The following KANSL1 variants were observed in gnomAD, a reference collection of about 807,000 sequenced individuals.
KANSL1 encodes the protein KAT8 regulatory NSL complex subunit 1, also known as MLL1/MLL complex subunit KANSL1.
KANSL1 carries 22 observed loss-of-function variants against 103.6 expected under a neutral mutation model. The ratio of observed to expected loss-of-function variants is 0.21; its 90% CI spans 0.15 to 0.30. The LOEUF (loss-of-function observed/expected upper bound fraction) is 0.30. Ranked by LOEUF, KANSL1 falls within the 10% of genes least tolerant of loss-of-function variation. KANSL1 has a pLI of 1.00. For synonymous variants in KANSL1, 600 were observed against 527.6 expected (o/e 1.14, Z -1.88); for missense variants, 1,337 against 1,399.8 (o/e 0.96, Z 0.72).
intron 2 of KANSL1, among the ~76,000 whole-genome samples, chr17:46,099,422 T>C (rs541773432): frequency 3.1e-4 from 47 of 152,100 alleles, no homozygotes; most frequent in African/African-American, 1.1e-3. Flanking sequence ...ATTCGAAGTG[T>C]AAATTTATCA....
intron 4 of KANSL1, among the ~76,000 whole-genome samples, chr17:46,070,986 AAAG>A (rs1174763462): frequency 1.3e-5 from 2 of 152,218 alleles, no homozygotes; most frequent in Admixed American, 6.5e-5. Flanking sequence ...TACAAAGTCT[AAAG>A]AAGAATATGT....
At chr17:46,132,881 T>TGCAGTGAGCCATCATCATA (rs143331068) in intron 2 of KANSL1, among the ~76,000 whole-genome samples, 21,379 of 151,680 alleles carry the variant, frequency 0.14, 2,112 homozygotes, top group Non-Finnish European at 0.21. Context: ...AGGTCGAGGC[T>TGCAGTGAGCCATCATCATA]GCAGTGAGCC....
rs146105481 is a variant in KANSL1 at position 46,220,199 on chromosome 17, T to C, written c.-90+3472A>G. Reference sequence around the variant, plus strand: ...CACAGAAAGAGAAGAAAAGGAAGGATTGAGATGCTGTTCTTTAAAATTTTT... The same window carrying C: ...CACAGAAAGAGAAGAAAAGGAAGGACTGAGATGCTGTTCTTTAAAATTTTT... On this transcript the variant is annotated intron_variant, in intron 1 of 14. Coordinates refer to the KANSL1 transcript ENST00000572904. Among the ~76,000 whole-genome samples the C allele has an allele frequency of 9.5e-3, 1,450 of 152,080 alleles. 7 individuals are homozygous for C. The highest frequency in any genetic ancestry group is 0.031 in the African/African-American group (1,283 of 41,404).
chr17:46,165,338 T>G (rs1033084805), intron 2 of KANSL1, among the ~76,000 whole-genome samples: 1 of 152,118 alleles, frequency 6.6e-6, no homozygotes, highest in African/African-American at 2.4e-5. Flanking sequence ...GTTCTGGCCA[T>G]TCTCCTGCCT....
At chr17:46,176,691 T>TA (rs56676109) in intron 1 of KANSL1, among the ~76,000 whole-genome samples, 1,676 of 141,644 alleles carry the variant, frequency 0.012, 21 homozygotes, top group Middle Eastern at 0.066. Flanking sequence ...GACTCCATCT[T>TA]AAAAAAAAAA....
At chr17:46,160,141 T>C (rs1011016660) in intron 2 of KANSL1, among the ~76,000 whole-genome samples, 3 of 152,224 alleles carry the variant, frequency 2.0e-5, no homozygotes, top group Admixed American at 2.0e-4. Context: ...GGTATCATCA[T>C]CATATGGAAG....
chr17:46,093,546 T>C (rs539529952), intron 3 of KANSL1: 1 of 152,760 alleles, frequency 6.5e-6, no homozygotes, highest in Non-Finnish European at 1.5e-5. Context: ...GTGACATTTT[T>C]AGAATAAAAG....
chr17:46,115,819 G>A (rs2043022285), intron 2 of KANSL1, among the ~76,000 whole-genome samples: 1 of 152,192 alleles, frequency 6.6e-6, no homozygotes. Flanking sequence ...AGATCTCTAG[G>A]CTCATCACAG....
At chr17:46,154,120 G>C (rs1358653600) in intron 2 of KANSL1, among the ~76,000 whole-genome samples, 6 of 152,194 alleles carry the variant, frequency 3.9e-5, no homozygotes, top group African/African-American at 1.4e-4. Flanking sequence ...GGCAGGAGTG[G>C]GAGTACAAAA....
intron 7 of KANSL1, chr17:46,041,870 A>G (rs1387625303): frequency 1.4e-5 from 2 of 139,278 alleles, no homozygotes; most frequent in Non-Finnish European, 3.0e-5. Flanking sequence ...AACTATTAGA[A>G]ATTTATTTTG....
At chr17:46,192,649 C>T (rs2047397806) in intron 1 of KANSL1, 174 bp downstream of exon 1, 2 of 153,256 alleles carry the variant, frequency 1.3e-5, no homozygotes, top group South Asian at 2.1e-4. Context: ...CCAGCCCGGA[C>T]CCGCAGCAGG....
chr17:46,139,478 A>G (rs779008046), intron 2 of KANSL1, among the ~76,000 whole-genome samples: 1 of 152,068 alleles, frequency 6.6e-6, no homozygotes, highest in African/African-American at 2.4e-5. Flanking sequence ...GCCACTACTC[A>G]CCCATCTAAA....
chr17:46,144,325 T>G (rs1326993535), intron 2 of KANSL1, among the ~76,000 whole-genome samples: 2 of 152,168 alleles, frequency 1.3e-5, no homozygotes, highest in African/African-American at 4.8e-5. Context: ...AAAAAGAAAT[T>G]CCAGATTTCC....
Position 46,172,235 on chromosome 17 carries a change from A to G in KANSL1, c.-89-3T>C. 8.3e-7 allele frequency: 1 copy of G among 1,199,488 alleles called. No individual in the cohort carries two copies. Among genetic ancestry groups the G allele is most frequent in the Non-Finnish European group, 1.1e-6 (1 of 873,726 alleles). 74.3% of individuals were successfully genotyped at this position (1,199,488 alleles called of 1,614,324 possible). A position where few individuals can be genotyped will look rare whatever the true frequency, so the allele number is the denominator to read the frequency against. The stretch of plus-strand genomic sequence containing the variant: ...TTACTGCCTCCCCAGAGAACAGACT[A>G]GAAGAGAAAGGAGAAAAGAATATTA... On this transcript the variant is annotated splice_polypyrimidine_tract_variant and splice_region_variant and intron_variant, in intron 1 of 14. Transcript: ENST00000432791.
rs1322831151 is a variant in KANSL1, at chr17:46,032,277, G to A, written c.2860C>T (p.Arg954Trp). The part of the protein sequence containing the change: ...GSRSYRSSDG[R>W]TTPQLGSANP... ...GCACTGCCCAGCTGGGGGGTTGTCC[G>A]GCCGTCTGATGACCTGTAGGACCTG... Residue 954 changes from arginine (R) to tryptophan (W), a missense_variant, in exon 14 of 15, where the codon CGG becomes TGG. Physicochemically the swap from Arg to Trp is moderately radical, Grantham distance 101. This residue lies in a region of KANSL1 where 780 missense variants were observed against 923.4 expected (regional missense o/e 0.84). Transcript: ENST00000432791. 5.2e-6 allele frequency: 8 copies of A among 1,527,898 alleles called. No individual in the cohort carries two copies. Among genetic ancestry groups the A allele is most frequent in the East Asian group, 2.3e-5 (1 of 44,008 alleles). 94.6% of individuals were successfully genotyped at this position (1,527,898 alleles called of 1,614,324 possible).
intron 7 of KANSL1, chr17:46,043,026 A>AT (rs1276473612): frequency 6.6e-6 from 1 of 152,226 alleles, no homozygotes; most frequent in Admixed American, 6.5e-5. Context: ...AAACTCAGCT[A>AT]TACCAAATCC....
intron 2 of KANSL1, among the ~76,000 whole-genome samples, chr17:46,105,532 C>G (rs1390965911): frequency 1.3e-5 from 2 of 152,148 alleles, no homozygotes; most frequent in African/African-American, 4.8e-5. Context: ...AGAAGAATTA[C>G]TTGAACCCTA....
intron 3 of KANSL1, among the ~76,000 whole-genome samples, chr17:46,092,056 G>C (rs1486889409): frequency 6.6e-6 from 1 of 152,128 alleles, no homozygotes; most frequent in Non-Finnish European, 1.5e-5. Flanking sequence ...CTCACCTCAG[G>C]TGACCCACCC....
intron 2 of KANSL1, among the ~76,000 whole-genome samples, chr17:46,103,944 C>T (rs1345977956): frequency 2.0e-5 from 3 of 152,314 alleles, no homozygotes; most frequent in Middle Eastern, 3.4e-3. Context: ...AGGAGAATTG[C>T]TTGAACCCAG....
Sources: allele counts gnomAD v4.1 joint callset (sites outside exome capture counted in the v4.1 genomes callset), GRCh38; gene constraint gnomAD v4.1.1; regional missense constraint gnomAD v4.1.1; transcripts MANE v1.5; gene names NCBI Gene and HGNC (gene_info 2026-07-23, HGNC 2026-07-21).